TWSG1: variants seen among roughly 807,000 people sequenced by gnomAD.
TWSG1 encodes twisted gastrulation protein homolog 1.
TWSG1 carries 15 observed loss-of-function variants against 23.0 expected under a neutral mutation model. That is an observed-to-expected ratio of 0.65 (90% CI 0.44 to 1.00). The LOEUF (loss-of-function observed/expected upper bound fraction) is 1.00, where lower values mean the gene tolerates loss of function less well. Among genes scored for constraint, TWSG1 ranks in the 50% least tolerant of loss-of-function variants. The pLI is 0.00. For synonymous variants in TWSG1, 86 were observed against 92.8 expected (o/e 0.93, Z 0.42); for missense variants, 242 against 278.7 (o/e 0.87, Z 0.94).
chr18:9,399,400 A>G lies in TWSG1; in HGVS notation c.545A>G (p.Lys182Arg). The change falls in exon 5 of 5, where the codon AAA becomes AGA. Residue 182 changes from lysine to arginine, a missense_variant. Physicochemically the swap from Lys to Arg is conservative, Grantham distance 26. Transcript: ENST00000262120. ...FDDCMSIHQC[K>R]ISCESMGASK... ...GACTGCATGTCCATACATCAGTGTA[A>G]AATATCCTGTGAGTCCATGGGAGCA... The G allele has an allele frequency of 6.2e-7, 1 of 1,614,020 alleles. No homozygotes were observed.
At chr18:9,388,580 A>G (rs1425264012) in intron 3 of TWSG1, among the ~76,000 whole-genome samples, 2 of 152,246 alleles carry the variant, frequency 1.3e-5, no homozygotes, top group Non-Finnish European at 2.9e-5. Context: ...ACAGCAAATC[A>G]GGGACATCAG....
At chr18:9,347,638 C>G (rs1668545773) in intron 2 of TWSG1, among the ~76,000 whole-genome samples, 1 of 151,958 alleles carries the variant, frequency 6.6e-6, no homozygotes, top group Admixed American at 6.6e-5. Flanking sequence ...TTGGATTGTT[C>G]ATTGCTTCTG....
intron 3 of TWSG1, among the ~76,000 whole-genome samples, chr18:9,360,934 A>G (rs2040549871): frequency 6.6e-6 from 1 of 152,184 alleles, no homozygotes; most frequent in African/African-American, 2.4e-5. Context: ...TTTAGAAACT[A>G]TCAGTTGACT....
At chr18:9,371,149 G>T (rs1361517254) in intron 3 of TWSG1, among the ~76,000 whole-genome samples, 1 of 151,870 alleles carries the variant, frequency 6.6e-6, no homozygotes, top group African/African-American at 2.4e-5. Context: ...GCTTATAAAA[G>T]TCCCTTAAGT....
intron 3 of TWSG1, among the ~76,000 whole-genome samples, chr18:9,386,289 G>A (rs1180358074): frequency 6.6e-6 from 1 of 151,274 alleles, no homozygotes; most frequent in East Asian, 1.9e-4. Flanking sequence ...GTGAAACCGC[G>A]TCTGTACTAA....
At chr18:9,366,528 G>A (rs1423972822) in intron 3 of TWSG1, among the ~76,000 whole-genome samples, 2 of 152,174 alleles carry the variant, frequency 1.3e-5, no homozygotes, top group African/African-American at 2.4e-5. Flanking sequence ...TGAACTCAGG[G>A]CTACAGTCCA....
chr18:9,396,488 C>CA lies in TWSG1; in HGVS notation c.432_433insA (p.His145ThrfsTer10). On this transcript the variant is annotated frameshift_variant, in exon 4 of 5. Coordinates refer to ENST00000262120, the MANE Select transcript of TWSG1 (RefSeq NM_020648.6). LOFTEE classifies it high-confidence loss of function. ...TTTTAGAAACTGTGAACCAGCCACA[C>CA]CACCAGAATGTGTCTGTCCCCAGCA... The CA allele has an allele frequency of 6.2e-7, 1 of 1,614,122 alleles. No individual in the cohort carries two copies. Among genetic ancestry groups the CA allele is most frequent in the Non-Finnish European group, 8.5e-7 (1 of 1,180,040 alleles).
chr18:9,369,944 G>A (rs2040596971), intron 3 of TWSG1, among the ~76,000 whole-genome samples: 1 of 152,126 alleles, frequency 6.6e-6, no homozygotes, highest in African/African-American at 2.4e-5. Flanking sequence ...TTCCTTGACT[G>A]TGCAGAAGCT....
At chr18:9,340,973 A>C (rs2040444237) in intron 2 of TWSG1, among the ~76,000 whole-genome samples, 1 of 152,198 alleles carries the variant, frequency 6.6e-6, no homozygotes, top group African/African-American at 2.4e-5. Context: ...GGCTGGGAAG[A>C]TTCTTCAGGT....
At chr18:9,367,912 A>G (rs566336711) in intron 3 of TWSG1, among the ~76,000 whole-genome samples, 16 of 152,190 alleles carry the variant, frequency 1.1e-4, no homozygotes, top group Middle Eastern at 3.4e-3. Context: ...TTCTTTATCC[A>G]TTTTTGGACA....
At chr18:9,352,198 G>C (rs932421529) in intron 2 of TWSG1, among the ~76,000 whole-genome samples, 3 of 151,954 alleles carry the variant, frequency 2.0e-5, no homozygotes, top group African/African-American at 7.3e-5. Context: ...CTTTTGTTCT[G>C]TCTAGCTTCT....
intron 3 of TWSG1, among the ~76,000 whole-genome samples, chr18:9,385,998 A>C (rs970972461): frequency 6.7e-6 from 1 of 149,942 alleles, no homozygotes; most frequent in Non-Finnish European, 1.5e-5. Context: ...GCGAAACCCC[A>C]ACTCTACTAA....
chr18:9,345,202 C>A (rs1375759622), intron 2 of TWSG1, among the ~76,000 whole-genome samples: 1 of 152,206 alleles, frequency 6.6e-6, no homozygotes, highest in Non-Finnish European at 1.5e-5. Flanking sequence ...TTTTCAACTA[C>A]TATGTATCAT....
chr18:9,337,807 C>A (rs1394543343), intron 2 of TWSG1, among the ~76,000 whole-genome samples: 1 of 152,190 alleles, frequency 6.6e-6, no homozygotes, highest in Non-Finnish European at 1.5e-5. Flanking sequence ...TGTATTATTT[C>A]ATGCAGTTTC....
intron 3 of TWSG1, among the ~76,000 whole-genome samples, chr18:9,369,782 C>A (rs1220408820): frequency 6.6e-6 from 1 of 152,190 alleles, no homozygotes; most frequent in African/African-American, 2.4e-5. Context: ...CTTCCCACCT[C>A]AGCCTCCCAA....
intron 3 of TWSG1, among the ~76,000 whole-genome samples, chr18:9,380,218 C>T (rs772751222): frequency 1.3e-5 from 2 of 152,158 alleles, no homozygotes; most frequent in Non-Finnish European, 2.9e-5. Context: ...TGTATTACTT[C>T]ATTCAGTCCT....
At chr18:9,355,527 G>A (rs1002226607) in intron 2 of TWSG1, among the ~76,000 whole-genome samples, 6 of 151,976 alleles carry the variant, frequency 3.9e-5, no homozygotes, top group African/African-American at 1.2e-4. Flanking sequence ...GATTTTTAAG[G>A]GCATGTAGAA....
At chr18:9,394,946 A>G (rs1233538016) in intron 3 of TWSG1, among the ~76,000 whole-genome samples, 2 of 152,244 alleles carry the variant, frequency 1.3e-5, no homozygotes, top group African/African-American at 4.8e-5. Context: ...GCCAATATCA[A>G]TATAACATTG....
chr18:9,335,465 C>T (rs951769525), intron 1 of TWSG1, among the ~76,000 whole-genome samples: 1 of 152,170 alleles, frequency 6.6e-6, no homozygotes, highest in Non-Finnish European at 1.5e-5. Context: ...AATACTTTTT[C>T]CAGTGAAATT....
Sources: allele counts gnomAD v4.1 joint callset (sites outside exome capture counted in the v4.1 genomes callset), GRCh38; gene constraint gnomAD v4.1.1; transcripts MANE v1.5; gene names NCBI Gene and HGNC (gene_info 2026-07-23, HGNC 2026-07-21).